Variants in RCBTB1 observed in about 807,000 individuals in gnomAD.
RCBTB1 encodes the protein RCC1 and BTB domain containing protein 1.
Under a neutral mutation model 62.4 loss-of-function variants are expected in RCBTB1, and 46 were observed. That is an observed-to-expected ratio of 0.74 (90% CI 0.58 to 0.94). RCBTB1 has a LOEUF of 0.94. RCBTB1 is among the 40% of genes least tolerant of loss of function. RCBTB1 has a pLI of 0.00. For synonymous variants in RCBTB1, 222 were observed against 245.8 expected (o/e 0.90, Z 0.91); for missense variants, 565 against 654.9 (o/e 0.86, Z 1.50).
rs964450396 is a variant in RCBTB1 at position 49,567,370 on chromosome 13, A to G, written c.-41-50T>C. On this transcript the variant is annotated intron_variant, in intron 2 of 12. Transcript: ENST00000378302. ...AAAAAAATTAAATAGTCACTGAGCTAACTTTCAAAAAAAAGACCTGTTAAT... is the reference window on the plus strand; with the variant it reads ...AAAAAAATTAAATAGTCACTGAGCTGACTTTCAAAAAAAAGACCTGTTAAT... 1.1e-5 allele frequency: 15 copies of G among 1,409,320 alleles called. No homozygotes were observed. The African/African-American group carries it at 2.0e-4, about 19-fold the overall frequency. 87.3% of individuals were successfully genotyped at this position (1,409,320 alleles called of 1,614,324 possible).
At chr13:49,546,141 A>T in intron 9 of RCBTB1, 1 of 985,256 alleles carries the variant, frequency 1.0e-6, no homozygotes, top group Non-Finnish European at 1.2e-6. Flanking sequence ...ACCCCCACCC[A>T]TCCAAAAAAA....
Position 49,557,767 on chromosome 13 carries a change from T to A in RCBTB1, c.445-2094A>T, listed in dbSNP as rs545042240. Among the ~76,000 whole-genome samples, 245 of 133,184 alleles carry A rather than the reference T, an allele frequency of 1.8e-3. 1 individual carries two copies. Among genetic ancestry groups the A allele is most frequent in the South Asian group, 0.014 (54 of 3,940 alleles). 87.4% of individuals were successfully genotyped at this position (133,184 alleles called of 152,430 possible). ...AGATTCTTGTCTCTACAAAAAAAAATTTTTTTTTTAAAAGAATGAATTCTA... is the reference window on the plus strand; with the variant it reads ...AGATTCTTGTCTCTACAAAAAAAAAATTTTTTTTTAAAAGAATGAATTCTA... On this transcript the variant is annotated intron_variant, in intron 5 of 12. Coordinates refer to ENST00000378302, the MANE Select transcript of RCBTB1 (RefSeq NM_018191.4).
chr13:49,584,205 G>C (rs1964265411), intron 1 of RCBTB1, among the ~76,000 whole-genome samples: 1 of 152,088 alleles, frequency 6.6e-6, no homozygotes, highest in South Asian at 2.1e-4. Context: ...ATGGCTACTT[G>C]TTTTCTGAAG....
At chr13:49,569,816 A>G (rs1963281327) in intron 2 of RCBTB1, among the ~76,000 whole-genome samples, 1 of 152,120 alleles carries the variant, frequency 6.6e-6, no homozygotes, top group Non-Finnish European at 1.5e-5. Context: ...CTGAGGTGAG[A>G]GGATTGCTTG....
At chr13:49,576,177 CAAAAAAAAAAAAAAAAA>C (rs71078868) in intron 2 of RCBTB1, among the ~76,000 whole-genome samples, 3 of 39,980 alleles carry the variant, frequency 7.5e-5, no homozygotes, top group South Asian at 1.7e-3. Context: ...ACAGGCGTCG[CAAAAAAAAAAAAAAAAA>C]AAAAAAAAAA....
At chr13:49,568,164 GT>G (rs1270456038) in intron 2 of RCBTB1, among the ~76,000 whole-genome samples, 1 of 151,974 alleles carries the variant, frequency 6.6e-6, no homozygotes, top group Non-Finnish European at 1.5e-5. Flanking sequence ...ACAAATGGAA[GT>G]TTTTTTTCCC....
At chr13:49,563,526 G>C (rs1028400618) in intron 4 of RCBTB1, among the ~76,000 whole-genome samples, 2 of 152,150 alleles carry the variant, frequency 1.3e-5, no homozygotes, top group Non-Finnish European at 2.9e-5. Context: ...AGCCAGGCAT[G>C]GTAGCATATG....
At chr13:49,537,134 G>A (rs1960003082) in intron 12 of RCBTB1, among the ~76,000 whole-genome samples, 2 of 152,140 alleles carry the variant, frequency 1.3e-5, no homozygotes, top group African/African-American at 2.4e-5. Context: ...GTGAGCAGGT[G>A]CCTCGGCATC....
At chr13:49,539,782 GCAGA>G (rs538386160) in intron 12 of RCBTB1, among the ~76,000 whole-genome samples, 131 of 152,284 alleles carry the variant, frequency 8.6e-4, no homozygotes, top group Admixed American at 1.8e-3. Flanking sequence ...TTGTCGGGCT[GCAGA>G]CAAAGTCAGC....
intron 2 of RCBTB1, among the ~76,000 whole-genome samples, chr13:49,571,208 T>C (rs1444636120): frequency 2.6e-5 from 4 of 151,972 alleles, no homozygotes; most frequent in African/African-American, 7.3e-5. Context: ...TAACCAAGCA[T>C]GGTGGCACAT....
chr13:49,570,077 T>C (rs947655328), intron 2 of RCBTB1, among the ~76,000 whole-genome samples: 5 of 152,242 alleles, frequency 3.3e-5, no homozygotes, highest in African/African-American at 1.2e-4. Flanking sequence ...CCTGGAATTA[T>C]GAACCATATC....
intron 2 of RCBTB1, among the ~76,000 whole-genome samples, chr13:49,571,293 C>A (rs564597080): frequency 7.0e-4 from 107 of 152,182 alleles, no homozygotes; most frequent in Non-Finnish European, 1.3e-3. Flanking sequence ...TTGCAGTGAA[C>A]CGAGATTGCA....
chr13:49,557,269 T>G (rs1227361458), intron 5 of RCBTB1, among the ~76,000 whole-genome samples: 1 of 152,136 alleles, frequency 6.6e-6, no homozygotes, highest in Non-Finnish European at 1.5e-5. Flanking sequence ...TAGAAGGGAC[T>G]ATGGCAGTAG....
At chr13:49,536,750 A>T (rs960631312) in intron 12 of RCBTB1, among the ~76,000 whole-genome samples, 1 of 152,218 alleles carries the variant, frequency 6.6e-6, no homozygotes, top group Non-Finnish European at 1.5e-5. Context: ...TGGTATTAGA[A>T]ACTAAACTCT....
Position 49,549,576 on chromosome 13 carries a change from C to T in RCBTB1, c.927G>A (p.Met309Ile). ...AAKTQGGHVY[M>I]WGQCRGQSVI... is the part of the protein sequence containing the mutation. ...CGGACTGACCCCGGCACTGGCCCCA[C>T]ATGTACACGTGCCCACCCTGCGTCT... The change falls in exon 9 of 13, where the codon ATG becomes ATA. Residue 309 changes from methionine (M) to isoleucine (I), a missense_variant. Transcript: ENST00000378302. 6.2e-7 allele frequency: 1 copy of T among 1,614,188 alleles called. No homozygotes were observed. Among genetic ancestry groups the T allele is most frequent in the South Asian group, 1.1e-5 (1 of 91,084 alleles).
At chr13:49,534,362 C>G in intron 12 of RCBTB1, 100 bp from the exon 13 acceptor site, 1 of 1,250,904 alleles carries the variant, frequency 8.0e-7, no homozygotes, top group South Asian at 1.5e-5. Flanking sequence ...CTCACCCTCC[C>G]CCAGAAAAGA....
intron 2 of RCBTB1, among the ~76,000 whole-genome samples, chr13:49,576,003 G>A (rs529257007): frequency 9.9e-5 from 15 of 151,930 alleles, no homozygotes; most frequent in East Asian, 5.8e-4. Flanking sequence ...TGGCTAACAC[G>A]GTGAAACCTC....
At chr13:49,543,782 C>T (rs1449833488) in intron 10 of RCBTB1, among the ~76,000 whole-genome samples, 1 of 152,152 alleles carries the variant, frequency 6.6e-6, no homozygotes, top group Non-Finnish European at 1.5e-5. Context: ...ATCTACTGGG[C>T]TCAAGCAATC....
intron 12 of RCBTB1, among the ~76,000 whole-genome samples, chr13:49,535,793 T>G (rs1977352): frequency 0.59 from 88,906 of 151,846 alleles, 27,210 homozygotes; most frequent in Non-Finnish European, 0.69. Flanking sequence ...GGGAGGCTGA[T>G]GCGGGCAGAT....
Sources: gnomAD v4.1 joint callset for allele counts (sites outside exome capture counted in the v4.1 genomes callset) on GRCh38, gnomAD v4.1.1 for gene constraint, MANE v1.5 for transcripts, NCBI Gene and HGNC (gene_info 2026-07-23, HGNC 2026-07-21) for gene names.